Variants in LRMDA observed in about 807,000 individuals in gnomAD.
LRMDA encodes leucine rich melanocyte differentiation associated, also known as leucine-rich melanocyte differentiation-associated protein.
A neutral mutation model predicts 29.8 loss-of-function variants in LRMDA; 18 were observed. The observed-to-expected ratio is 0.60, with a 90% CI of 0.42 to 0.90. The LOEUF is 0.90. Ranked by LOEUF, LRMDA falls within the 40% of genes least tolerant of loss-of-function variation. LRMDA has a pLI of 0.00. For synonymous variants in LRMDA, 125 were observed against 109.4 expected (o/e 1.14, Z -0.89); for missense variants, 273 against 273.9 (o/e 1.00, Z 0.02).
At chr10:75,916,193 T>TGTGTGGGG (rs72087365) in intron 2 of LRMDA, among the ~76,000 whole-genome samples, 1 of 140,064 alleles carries the variant, frequency 7.1e-6, no homozygotes, top group African/African-American at 2.7e-5. Flanking sequence ...TGTGTGTGTG[T>TGTGTGGGG]GTGGGTGGGT....
intron 2 of LRMDA, among the ~76,000 whole-genome samples, chr10:75,964,522 T>C (rs890944108): frequency 2.0e-5 from 3 of 152,240 alleles, no homozygotes; most frequent in Admixed American, 6.5e-5. Context: ...CCTTTTAAAA[T>C]CTGTTCTTAG....
chr10:76,187,024 T>TGTAA lies in LRMDA; in HGVS notation c.516+128243_516+128246dup, dbSNP rs528483561. On this transcript the variant is annotated intron_variant, in intron 5 of 6. Transcript: ENST00000611255. ...AGTTATTTACAAACTTCCTATTGTGTGTAAGACTTGACATTCTTCACTACT... is the reference window on the plus strand; with the variant it reads ...AGTTATTTACAAACTTCCTATTGTGTGTAAGTAAGACTTGACATTCTTCACTACT... Among the ~76,000 whole-genome samples, 17 of 152,322 alleles carry TGTAA rather than the reference T, an allele frequency of 1.1e-4. No homozygotes were observed. The East Asian group carries it at 2.5e-3, about 22-fold the overall frequency.
chr10:75,756,401 A>C (rs1843032675), intron 2 of LRMDA, among the ~76,000 whole-genome samples: 1 of 152,182 alleles, frequency 6.6e-6, no homozygotes, highest in South Asian at 2.1e-4. Context: ...CTAGGACTAC[A>C]TGCTAGGAGT....
chr10:75,563,493 G>C (rs1224857842), intron 2 of LRMDA, among the ~76,000 whole-genome samples: 2 of 152,026 alleles, frequency 1.3e-5, no homozygotes, highest in African/African-American at 4.8e-5. Flanking sequence ...CTGTAGCTCG[G>C]AGTAGTTTGA....
chr10:75,695,556 G>C (rs1842223459), intron 2 of LRMDA, among the ~76,000 whole-genome samples: 1 of 151,788 alleles, frequency 6.6e-6, no homozygotes, highest in Non-Finnish European at 1.5e-5. Flanking sequence ...CCTTATAGCT[G>C]TATCTCCCTC....
At chr10:75,695,188 A>G (rs909136622) in intron 2 of LRMDA, among the ~76,000 whole-genome samples, 3 of 152,140 alleles carry the variant, frequency 2.0e-5, no homozygotes, top group Non-Finnish European at 4.4e-5. Context: ...TCCTTAAAGC[A>G]AGAAATACCC....
intron 2 of LRMDA, among the ~76,000 whole-genome samples, chr10:75,791,785 T>C (rs560033575): frequency 2.6e-5 from 4 of 152,018 alleles, no homozygotes; most frequent in African/African-American, 9.6e-5. Context: ...GGTAATGATC[T>C]GACCGCTTGC....
At chr10:76,379,655 A>G (rs145834558) in intron 6 of LRMDA, among the ~76,000 whole-genome samples, 1 of 152,140 alleles carries the variant, frequency 6.6e-6, no homozygotes, top group African/African-American at 2.4e-5. Flanking sequence ...TATCTTTTCA[A>G]AAAAACGACT....
intron 6 of LRMDA, among the ~76,000 whole-genome samples, chr10:76,326,878 G>A (rs1430401744): frequency 6.6e-6 from 1 of 152,076 alleles, no homozygotes; most frequent in African/African-American, 2.4e-5. Flanking sequence ...ATATCACAGG[G>A]ATAGTAACAT....
intron 6 of LRMDA, among the ~76,000 whole-genome samples, chr10:76,356,926 A>G (rs1191017059): frequency 6.6e-6 from 1 of 152,150 alleles, no homozygotes; most frequent in East Asian, 1.9e-4. Flanking sequence ...TGGAATTTTT[A>G]TCTTTCCATC....
chr10:75,485,031 T>C (rs1318172210), intron 2 of LRMDA, among the ~76,000 whole-genome samples: 2 of 152,262 alleles, frequency 1.3e-5, no homozygotes, highest in Non-Finnish European at 2.9e-5. Context: ...GAATTTGTTA[T>C]CCATTCTTTG....
At chr10:76,301,890 G>GTTGT (rs1380127841) in intron 5 of LRMDA, among the ~76,000 whole-genome samples, 1 of 152,196 alleles carries the variant, frequency 6.6e-6, no homozygotes, top group Non-Finnish European at 1.5e-5. Context: ...AATTGTTCAT[G>GTTGT]TTGTTGAGCA....
At chr10:76,323,962 A>G (rs563724090) in intron 5 of LRMDA, among the ~76,000 whole-genome samples, 157 of 152,314 alleles carry the variant, frequency 1.0e-3, no homozygotes, top group Admixed American at 1.5e-3. Flanking sequence ...CACTGGGCTC[A>G]TGGAAGTCAG....
chr10:75,737,561 T>A (rs1466498346), intron 2 of LRMDA, among the ~76,000 whole-genome samples: 1 of 152,176 alleles, frequency 6.6e-6, no homozygotes, highest in African/African-American at 2.4e-5. Flanking sequence ...AATTTCCTAA[T>A]CCTGTTTTGT....
intron 2 of LRMDA, 86 bp from the exon 3 acceptor site, chr10:76,035,922 G>A: frequency 2.2e-6 from 3 of 1,362,952 alleles, no homozygotes; most frequent in South Asian, 1.4e-5. Flanking sequence ...AGTCCTGAAA[G>A]GGAAGGTTAA....
In LRMDA at chr10:75,621,005, G is replaced by A. The variant is rs981714639; in HGVS notation, c.131+182511G>A. 7.2e-5 allele frequency among the ~76,000 whole-genome samples: 11 copies of A among 151,948 alleles called. No homozygotes were observed. In the South Asian group the frequency reaches 8.3e-4, roughly 12 times the overall value. ...CCTCACCGCCTTCACCATTTCCCCC[G>A]TGTCCCCAAAGTCTAATGTATCATT... On this transcript the variant is annotated intron_variant, in intron 2 of 6. Coordinates refer to ENST00000611255, the MANE Select transcript of LRMDA (RefSeq NM_001305581.2).
intron 2 of LRMDA, among the ~76,000 whole-genome samples, chr10:75,923,121 C>A (rs1374403915): frequency 6.6e-6 from 1 of 152,200 alleles, no homozygotes; most frequent in Non-Finnish European, 1.5e-5. Context: ...TCTGCACTAC[C>A]TTTTACTTCC....
intron 2 of LRMDA, among the ~76,000 whole-genome samples, chr10:75,937,931 G>A (rs1846325032): frequency 6.6e-6 from 1 of 152,022 alleles, no homozygotes; most frequent in Admixed American, 6.6e-5. Flanking sequence ...TGTCTATTGG[G>A]GCGATTAATT....
intron 2 of LRMDA, among the ~76,000 whole-genome samples, chr10:75,981,119 T>G (rs1331351857): frequency 6.6e-6 from 1 of 152,174 alleles, no homozygotes; most frequent in Non-Finnish European, 1.5e-5. Flanking sequence ...ACTTTTACAT[T>G]CTTAACTTTT....
Sources: gnomAD v4.1 joint callset for allele counts (sites outside exome capture counted in the v4.1 genomes callset) on GRCh38, gnomAD v4.1.1 for gene constraint, MANE v1.5 for transcripts, NCBI Gene and HGNC (gene_info 2026-07-23, HGNC 2026-07-21) for gene names.